RNGTT: variants seen among roughly 807,000 people sequenced by gnomAD.
RNGTT encodes RNA guanylyltransferase and 5'-phosphatase, also known as mRNA-capping enzyme.
In RNGTT, 33 loss-of-function variants were observed where a neutral mutation model predicts 79.3. That is an observed-to-expected ratio of 0.42 (90% CI 0.32 to 0.56). The LOEUF (loss-of-function observed/expected upper bound fraction) is 0.56, where lower values mean the gene tolerates loss of function less well. Ranked by LOEUF, RNGTT falls within the 20% of genes least tolerant of loss-of-function variation. RNGTT has a pLI of 0.17. For synonymous variants in RNGTT, 222 were observed against 235.9 expected, an observed-to-expected ratio of 0.94 and a Z score of 0.54; for missense variants, 497 against 739.1, an observed-to-expected ratio of 0.67 and a Z score of 3.80.
At chr6:88,826,815 T>G (rs1279178935) in intron 11 of RNGTT, among the ~76,000 whole-genome samples, 1 of 93,426 alleles carries the variant, frequency 1.1e-5, no homozygotes, top group Non-Finnish European at 2.1e-5. Flanking sequence ...TATATATATA[T>G]ATGTGTGTGT....
intron 14 of RNGTT, among the ~76,000 whole-genome samples, chr6:88,649,536 A>T (rs901943221): frequency 6.6e-6 from 1 of 152,182 alleles, no homozygotes; most frequent in South Asian, 2.1e-4. Context: ...TCTTTAATAA[A>T]AATACAAAAA....
intron 12 of RNGTT, among the ~76,000 whole-genome samples, chr6:88,793,956 T>G (rs764786234): frequency 3.7e-4 from 57 of 152,228 alleles, no homozygotes; most frequent in Non-Finnish European, 7.5e-4. Flanking sequence ...TAAAAGAGTT[T>G]CTTCTTTTAT....
At chr6:88,825,589 A>G (rs1407012413) in intron 11 of RNGTT, among the ~76,000 whole-genome samples, 2 of 152,214 alleles carry the variant, frequency 1.3e-5, no homozygotes, top group African/African-American at 4.8e-5. Flanking sequence ...TGACATACAT[A>G]TATTTTTTTA....
chr6:88,627,421 T>C (rs1254641524), intron 14 of RNGTT, among the ~76,000 whole-genome samples: 1 of 152,000 alleles, frequency 6.6e-6, no homozygotes. Flanking sequence ...TAGTGTTCTC[T>C]TTTTTTATCA....
chr6:88,731,881 G>T (rs1188031965), intron 13 of RNGTT, among the ~76,000 whole-genome samples: 1 of 151,878 alleles, frequency 6.6e-6, no homozygotes, highest in East Asian at 1.9e-4. Context: ...CATATATTTT[G>T]TATATGTATT....
At chr6:88,678,257 CG>C (rs1774955832) in intron 14 of RNGTT, 95 bp downstream of exon 14, 1 of 1,496,272 alleles carries the variant, frequency 6.7e-7, no homozygotes, top group African/African-American at 1.4e-5. Context: ...TGCTGGAACA[CG>C]ATATTTTTAT....
intron 11 of RNGTT, among the ~76,000 whole-genome samples, chr6:88,805,692 A>C (rs1419711037): frequency 6.6e-6 from 1 of 152,146 alleles, no homozygotes; most frequent in African/African-American, 2.4e-5. Flanking sequence ...GTTCTGCTTA[A>C]TACTAAGGCT....
chr6:88,847,541 T>C (rs927734595), intron 10 of RNGTT, among the ~76,000 whole-genome samples: 1 of 152,132 alleles, frequency 6.6e-6, no homozygotes, highest in Non-Finnish European at 1.5e-5. Flanking sequence ...GAATTAAATA[T>C]ACGATACTTT....
At chr6:88,957,823 T>A (rs2127966836) in intron 1 of RNGTT, among the ~76,000 whole-genome samples, 1 of 152,276 alleles carries the variant, frequency 6.6e-6, no homozygotes, top group South Asian at 2.1e-4. Context: ...ATCTTTAGAT[T>A]CAATGCAATT....
At chr6:88,750,918 G>A (rs531403948) in intron 13 of RNGTT, among the ~76,000 whole-genome samples, 35 of 152,022 alleles carry the variant, frequency 2.3e-4, no homozygotes, top group Non-Finnish European at 4.6e-4. Flanking sequence ...TACTCTAATA[G>A]TATAGCATTT....
At chr6:88,850,876 G>C (rs113926483) in intron 9 of RNGTT, among the ~76,000 whole-genome samples, 1,994 of 152,050 alleles carry the variant, frequency 0.013, 18 homozygotes, top group Non-Finnish European at 0.019. Context: ...GAAGACACAG[G>C]CACGCTTCAG....
intron 11 of RNGTT, among the ~76,000 whole-genome samples, chr6:88,814,426 C>T (rs76552595): frequency 0.021 from 3,141 of 152,258 alleles, 121 homozygotes; most frequent in African/African-American, 0.07. Flanking sequence ...TGTCTATAGT[C>T]CAAGTTGCCT....
rs753971554 is a variant in RNGTT at position 88,801,595 on chromosome 6, T to C, written c.1307A>G (p.Glu436Gly). 1.9e-6 allele frequency: 3 copies of C among 1,611,548 alleles called. No individual in the cohort carries two copies. In the South Asian group the frequency reaches 3.3e-5, roughly 18 times the overall value. Reference protein sequence around the residue: ...EGNFAKEVSHEMDGLIFQPTG... With the variant: ...EGNFAKEVSHGMDGLIFQPTG... ...AGGCTGAAAAATAAGTCCATCCATTTCATGGCTCACTTCTTTGGCAAAATT... is the reference window on the plus strand; with the variant it reads ...AGGCTGAAAAATAAGTCCATCCATTCCATGGCTCACTTCTTTGGCAAAATT... Residue 436 changes from glutamate to glycine, a missense_variant, in exon 12 of 16, where the codon GAA becomes GGA. Physicochemically the swap from Glu to Gly is moderately conservative, Grantham distance 98. This residue lies in a region of RNGTT where 440 missense variants were observed against 671.5 expected (regional missense o/e 0.66). Coordinates refer to ENST00000369485, the MANE Select transcript of RNGTT (RefSeq NM_003800.5).
chr6:88,942,591 G>A (rs879484064), intron 1 of RNGTT, among the ~76,000 whole-genome samples: 1 of 151,830 alleles, frequency 6.6e-6, no homozygotes, highest in Non-Finnish European at 1.5e-5. Flanking sequence ...GGCTGGTCTC[G>A]AATTCCTAAG....
At chr6:88,861,641 C>T (rs1025297748) in intron 8 of RNGTT, among the ~76,000 whole-genome samples, 4 of 152,054 alleles carry the variant, frequency 2.6e-5, no homozygotes, top group African/African-American at 7.2e-5. Flanking sequence ...CATGAACCAA[C>T]GAAAACTCTG....
intron 8 of RNGTT, among the ~76,000 whole-genome samples, chr6:88,858,272 G>C (rs1781901431): frequency 6.6e-6 from 1 of 151,880 alleles, no homozygotes; most frequent in African/African-American, 2.4e-5. Flanking sequence ...GGCCGACCTG[G>C]AGCCAGTCTA....
intron 13 of RNGTT, among the ~76,000 whole-genome samples, chr6:88,678,634 G>A (rs1774975471): frequency 6.6e-6 from 1 of 151,978 alleles, no homozygotes; most frequent in South Asian, 2.1e-4. Flanking sequence ...AGAAAATAAT[G>A]GGAGCCAAGT....
chr6:88,871,150 T>TA lies in RNGTT; in HGVS notation c.897-17387dup, dbSNP rs1043869395. Among the ~76,000 whole-genome samples the TA allele has an allele frequency of 1.8e-4, 27 of 152,274 alleles. No homozygotes were observed. In the East Asian group the frequency reaches 5.0e-3, roughly 28 times the overall value. ...TACAGACCATAGCAATAAACTCCTA[T>TA]AATAAGCTATCAGATGAATAATTAC... is the stretch of plus-strand genomic sequence containing the variant. On this transcript the variant is annotated intron_variant, in intron 8 of 15. Coordinates refer to ENST00000369485, the MANE Select transcript of RNGTT (RefSeq NM_003800.5).
intron 11 of RNGTT, among the ~76,000 whole-genome samples, chr6:88,810,632 CAG>C (rs746670900): frequency 5.3e-5 from 8 of 152,114 alleles, no homozygotes; most frequent in Non-Finnish European, 1.2e-4. Flanking sequence ...ATTTAAATAA[CAG>C]ATATAATTTT....
Sources: allele counts gnomAD v4.1 joint callset (sites outside exome capture counted in the v4.1 genomes callset), GRCh38; gene constraint gnomAD v4.1.1; regional missense constraint gnomAD v4.1.1; transcripts MANE v1.5; gene names NCBI Gene and HGNC (gene_info 2026-07-23, HGNC 2026-07-21).